PDZRN3: variants seen among roughly 807,000 people sequenced by gnomAD.
PDZRN3 encodes E3 ubiquitin-protein ligase PDZRN3.
PDZRN3 carries 38 observed loss-of-function variants against 85.7 expected under a neutral mutation model. That is an observed-to-expected ratio of 0.44 (90% CI 0.34 to 0.58). The LOEUF is 0.58. PDZRN3 is among the 20% of genes least tolerant of loss of function. The pLI, the probability that PDZRN3 is intolerant of heterozygous loss-of-function variation, is 0.01. For missense variants in PDZRN3, 1,629 were observed against 1,506.4 expected (o/e 1.08, Z -1.35); for synonymous variants, 759 against 638.0 (o/e 1.19, Z -2.86).
intron 3 of PDZRN3, among the ~76,000 whole-genome samples, chr3:73,535,620 A>C (rs1490960400): frequency 6.6e-6 from 1 of 152,242 alleles, no homozygotes; most frequent in Non-Finnish European, 1.5e-5. Flanking sequence ...ATCTTGTGAA[A>C]GTTTCGCCTG....
intron 3 of PDZRN3, among the ~76,000 whole-genome samples, chr3:73,502,822 C>T (rs1407029553): frequency 6.6e-6 from 1 of 152,182 alleles, no homozygotes; most frequent in African/African-American, 2.4e-5. Context: ...ATTGAGACTG[C>T]AGCCCTCCTC....
At chr3:73,615,737 T>C (rs140146720) in intron 1 of PDZRN3, among the ~76,000 whole-genome samples, 287 of 152,318 alleles carry the variant, frequency 1.9e-3, no homozygotes, top group African/African-American at 6.3e-3. Flanking sequence ...TTTCTGGTAT[T>C]TTTGTTACAG....
intron 3 of PDZRN3, among the ~76,000 whole-genome samples, chr3:73,417,329 G>A (rs1159192875): frequency 6.6e-6 from 1 of 152,202 alleles, no homozygotes; most frequent in East Asian, 1.9e-4. Context: ...GAAGCCTGCA[G>A]TTAGCAGGGC....
At chr3:73,460,726 T>G (rs1703086314) in intron 3 of PDZRN3, among the ~76,000 whole-genome samples, 1 of 152,238 alleles carries the variant, frequency 6.6e-6, no homozygotes, top group Non-Finnish European at 1.5e-5. Context: ...AATACTTATT[T>G]TCATCTAGTA....
At chr3:73,487,347 G>C (rs146056740) in intron 3 of PDZRN3, among the ~76,000 whole-genome samples, 24 of 152,030 alleles carry the variant, frequency 1.6e-4, no homozygotes, top group African/African-American at 4.8e-4. Flanking sequence ...TTTTACCTCT[G>C]GGGGGAAAAG....
Position 73,602,083 on chromosome 3 carries a change from G to A in PDZRN3, c.918+271C>T, listed in dbSNP as rs187959488. 3.3e-5 allele frequency among the ~76,000 whole-genome samples: 5 copies of A among 152,296 alleles called. No individual in the cohort carries two copies. In the East Asian group the frequency reaches 9.6e-4, roughly 29 times the overall value. On this transcript the variant is annotated intron_variant, in intron 3 of 9. Coordinates refer to ENST00000263666, the MANE Select transcript of PDZRN3 (RefSeq NM_015009.3). ...TCTTCAACGGTTTTCGCGCGAAACTGTAACTGATGCATACGAAACAGATTG... is the reference window on the plus strand; with the variant it reads ...TCTTCAACGGTTTTCGCGCGAAACTATAACTGATGCATACGAAACAGATTG...
rs759921444 is a variant in PDZRN3, at chr3:73,383,884, C to T, written c.2682G>A (p.Glu894=). The change falls in exon 10 of 10, where the codon GAG becomes GAA. Residue 894 remains glutamate (E), a synonymous_variant. Coordinates refer to ENST00000263666, the MANE Select transcript of PDZRN3 (RefSeq NM_015009.3). ...MQLIQQKSAV[E]YAQSQMSLVS... is the part of the protein sequence containing the mutation. ...CCAGGCTCATCTGGCTTTGCGCGTACTCCACGGCCGACTTCTGCTGGATCA... is the reference window on the plus strand; with the variant it reads ...CCAGGCTCATCTGGCTTTGCGCGTATTCCACGGCCGACTTCTGCTGGATCA... 9.3e-6 allele frequency: 15 copies of T among 1,613,474 alleles called. No individual in the cohort carries two copies. The highest frequency in any genetic ancestry group is 2.2e-5 in the East Asian group (1 of 44,836).
At chr3:73,491,078 G>A (rs1471766171) in intron 3 of PDZRN3, among the ~76,000 whole-genome samples, 1 of 152,230 alleles carries the variant, frequency 6.6e-6, no homozygotes, top group South Asian at 2.1e-4. Context: ...AGCCCCATTT[G>A]CTCAAGCTCA....
At chr3:73,560,636 T>G (rs954134224) in intron 3 of PDZRN3, among the ~76,000 whole-genome samples, 4 of 152,218 alleles carry the variant, frequency 2.6e-5, no homozygotes, top group African/African-American at 9.6e-5. Context: ...GCATACTCAA[T>G]TGTATCTGCC....
intron 1 of PDZRN3, among the ~76,000 whole-genome samples, chr3:73,619,662 C>T (rs1448148512): frequency 6.6e-6 from 1 of 152,126 alleles, no homozygotes; most frequent in Non-Finnish European, 1.5e-5. Context: ...GGGGCACATG[C>T]ATCGACTCTC....
At chr3:73,502,851 A>T (rs975414541) in intron 3 of PDZRN3, among the ~76,000 whole-genome samples, 62 of 152,202 alleles carry the variant, frequency 4.1e-4, no homozygotes, top group Non-Finnish European at 4.4e-5. Context: ...GAAACGAATG[A>T]TCAAGACGTG....
At chr3:73,537,274 T>C (rs1406831451) in intron 3 of PDZRN3, among the ~76,000 whole-genome samples, 2 of 152,190 alleles carry the variant, frequency 1.3e-5, no homozygotes, top group Non-Finnish European at 2.9e-5. Context: ...TGGAGAAGAC[T>C]GTGTTCCTAA....
intron 3 of PDZRN3, among the ~76,000 whole-genome samples, chr3:73,522,914 C>T (rs775603059): frequency 6.6e-6 from 1 of 152,208 alleles, no homozygotes; most frequent in Non-Finnish European, 1.5e-5. Flanking sequence ...TTCACTCAAA[C>T]CTCAATGATG....
chr3:73,514,013 T>G (rs1479683793), intron 3 of PDZRN3, among the ~76,000 whole-genome samples: 1 of 152,232 alleles, frequency 6.6e-6, no homozygotes, highest in Non-Finnish European at 1.5e-5. Flanking sequence ...TTAGAGACAT[T>G]TAATCTAATT....
chr3:73,503,040 C>A (rs554733166), intron 3 of PDZRN3, among the ~76,000 whole-genome samples: 5 of 152,332 alleles, frequency 3.3e-5, no homozygotes, highest in African/African-American at 1.2e-4. Context: ...GAATATTATA[C>A]TATCATGGAT....
chr3:73,570,962 G>A (rs973280642), intron 3 of PDZRN3, among the ~76,000 whole-genome samples: 1 of 152,116 alleles, frequency 6.6e-6, no homozygotes, highest in African/African-American at 2.4e-5. Flanking sequence ...AAGAAAACTT[G>A]TGCACAAGAT....
chr3:73,450,493 C>A (rs1479260648), intron 3 of PDZRN3, among the ~76,000 whole-genome samples: 1 of 152,186 alleles, frequency 6.6e-6, no homozygotes, highest in Non-Finnish European at 1.5e-5. Context: ...CGTAATCAGG[C>A]ACATTAATAA....
At chr3:73,564,421 C>A (rs1701901815) in intron 3 of PDZRN3, among the ~76,000 whole-genome samples, 1 of 152,166 alleles carries the variant, frequency 6.6e-6, no homozygotes, top group Non-Finnish European at 1.5e-5. Flanking sequence ...AGGATCTCAA[C>A]CTCTGCCCCA....
At chr3:73,386,866 T>TA (rs1246461249) in intron 8 of PDZRN3, among the ~76,000 whole-genome samples, 1 of 137,602 alleles carries the variant, frequency 7.3e-6, no homozygotes, top group East Asian at 2.1e-4. Context: ...CTCTCGGCTT[T>TA]TTCAATCGGG....
Sources: gnomAD v4.1 joint callset for allele counts (sites outside exome capture counted in the v4.1 genomes callset) on GRCh38, gnomAD v4.1.1 for gene constraint, MANE v1.5 for transcripts, NCBI Gene and HGNC (gene_info 2026-07-23, HGNC 2026-07-21) for gene names.